The following DLG2 variants were observed in gnomAD, a reference collection of about 807,000 sequenced individuals.
DLG2 encodes the protein discs large MAGUK scaffold protein 2.
DLG2 carries 45 observed loss-of-function variants against 132.5 expected under a neutral mutation model. The observed-to-expected ratio is 0.34, with a 90% confidence interval of 0.27 to 0.44. The LOEUF (loss-of-function observed/expected upper bound fraction) is 0.44, where lower values mean the gene tolerates loss of function less well. DLG2 is among the 20% of genes least tolerant of loss of function. The pLI, the probability that DLG2 is intolerant of heterozygous loss-of-function variation, is 1.00. For missense variants in DLG2, 1,045 were observed against 1,196.9 expected (o/e 0.87, Z 1.87); for synonymous variants, 424 against 419.6 (o/e 1.01, Z -0.13).
At chr11:83,833,580 A>G in intron 17 of DLG2, 34 bp downstream of exon 17, 2 of 1,583,670 alleles carry the variant, frequency 1.3e-6, no homozygotes, top group Non-Finnish European at 1.7e-6. Context: ...GGCGTCAGAT[A>G]TGGAGGGAAT....
At chr11:84,417,250 G>C (rs937149634) in intron 7 of DLG2, among the ~76,000 whole-genome samples, 2 of 152,122 alleles carry the variant, frequency 1.3e-5, no homozygotes, top group African/African-American at 4.8e-5. Flanking sequence ...CTTATTATAT[G>C]ATCTATGAAA....
At chr11:83,581,948 CTTT>C (rs71849863) in intron 19 of DLG2, among the ~76,000 whole-genome samples, 43 of 52,636 alleles carry the variant, frequency 8.2e-4, no homozygotes, top group African/African-American at 3.1e-3. Flanking sequence ...AGTTTGGACT[CTTT>C]TTTTTTTTTT....
At chr11:84,791,259 A>G (rs1279729704) in intron 6 of DLG2, among the ~76,000 whole-genome samples, 1 of 152,144 alleles carries the variant, frequency 6.6e-6, no homozygotes, top group Non-Finnish European at 1.5e-5. Context: ...ACAATTTGAG[A>G]TAAGATTTGG....
chr11:83,588,825 G>A (rs1043608849), intron 19 of DLG2, among the ~76,000 whole-genome samples: 12 of 152,174 alleles, frequency 7.9e-5, no homozygotes, highest in South Asian at 4.1e-4. Flanking sequence ...ACCAAGGCTC[G>A]AGATCTACAT....
intron 5 of DLG2, among the ~76,000 whole-genome samples, chr11:85,117,186 C>T (rs1172932739): frequency 2.6e-5 from 4 of 151,956 alleles, no homozygotes; most frequent in Non-Finnish European, 4.4e-5. Context: ...TAAAATGTGA[C>T]GCTAAGGAAA....
At chr11:85,131,245 T>C (rs967141681) in intron 5 of DLG2, among the ~76,000 whole-genome samples, 1 of 152,170 alleles carries the variant, frequency 6.6e-6, no homozygotes, top group Non-Finnish European at 1.5e-5. Context: ...TTGATTTAAT[T>C]TGTATAATAT....
intron 4 of DLG2, among the ~76,000 whole-genome samples, chr11:85,223,924 G>A (rs931847414): frequency 1.3e-5 from 2 of 151,970 alleles, no homozygotes; most frequent in Non-Finnish European, 2.9e-5. Flanking sequence ...TATTGTGCAG[G>A]GGTTATAAAG....
intron 22 of DLG2, among the ~76,000 whole-genome samples, chr11:83,476,267 T>C (rs2136918595): frequency 6.6e-6 from 1 of 152,230 alleles, no homozygotes; most frequent in Non-Finnish European, 1.5e-5. Context: ...GGCAAGTACA[T>C]ACCACACACT....
chr11:85,228,899 T>C (rs1191474353), intron 4 of DLG2, among the ~76,000 whole-genome samples: 1 of 151,408 alleles, frequency 6.6e-6, no homozygotes, highest in Admixed American at 6.6e-5. Context: ...CTATGTATCT[T>C]TTTTTAACTT....
intron 3 of DLG2, among the ~76,000 whole-genome samples, chr11:85,464,924 A>G (rs928518697): frequency 2.0e-5 from 3 of 151,074 alleles, no homozygotes; most frequent in Admixed American, 6.6e-5. Context: ...AATACAAAAA[A>G]TTATCTGGGC....
intron 19 of DLG2, among the ~76,000 whole-genome samples, chr11:83,580,620 T>C (rs1449864787): frequency 6.6e-6 from 1 of 152,244 alleles, no homozygotes; most frequent in Non-Finnish European, 1.5e-5. Context: ...ACTTCATTAA[T>C]AGTAACACAT....
chr11:83,535,422 C>T (rs1377696174), intron 20 of DLG2, among the ~76,000 whole-genome samples: 1 of 152,164 alleles, frequency 6.6e-6, no homozygotes, highest in Non-Finnish European at 1.5e-5. Context: ...ACTGTTTGGA[C>T]AGAGCATTCT....
intron 9 of DLG2, among the ~76,000 whole-genome samples, chr11:84,106,835 GTGTGTGTT>G (rs2092955190): frequency 1.4e-5 from 2 of 141,404 alleles, no homozygotes; most frequent in African/African-American, 5.3e-5. Context: ...GTGTGTGTGT[GTGTGTGTT>G]TGAGTGAGTG....
intron 7 of DLG2, among the ~76,000 whole-genome samples, chr11:84,308,926 C>T (rs1335364849): frequency 6.6e-6 from 1 of 152,206 alleles, no homozygotes; most frequent in Non-Finnish European, 1.5e-5. Context: ...TCCCTCCACA[C>T]CTCTCTGCAA....
intron 8 of DLG2, among the ~76,000 whole-genome samples, chr11:84,169,370 G>T (rs148918171): frequency 5.1e-4 from 77 of 151,938 alleles, no homozygotes; most frequent in African/African-American, 1.8e-3. Context: ...AATCTATAAG[G>T]GTCACAAAAT....
chr11:85,369,531 C>T (rs1428176492), intron 3 of DLG2, among the ~76,000 whole-genome samples: 2 of 151,838 alleles, frequency 1.3e-5, no homozygotes, highest in African/African-American at 4.8e-5. Flanking sequence ...ACTGTTTGTA[C>T]TCTCTGTAAA....
intron 2 of DLG2, among the ~76,000 whole-genome samples, chr11:85,612,735 G>A (rs1231324817): frequency 6.6e-6 from 1 of 152,140 alleles, no homozygotes; most frequent in South Asian, 2.1e-4. Context: ...CATCAGCGCA[G>A]AGCCATACAA....
intron 18 of DLG2, among the ~76,000 whole-genome samples, chr11:83,770,472 G>C (rs1231949332): frequency 2.0e-5 from 3 of 152,090 alleles, no homozygotes; most frequent in Non-Finnish European, 2.9e-5. Context: ...GAGCAATTTG[G>C]TGTCATTTGA....
At chr11:84,658,209 G>A (rs770191380) in intron 6 of DLG2, among the ~76,000 whole-genome samples, 2 of 152,208 alleles carry the variant, frequency 1.3e-5, no homozygotes, top group Non-Finnish European at 2.9e-5. Flanking sequence ...AACTATTTAT[G>A]TTGAGGGTAA....
Sources: gnomAD v4.1 joint callset for allele counts (sites outside exome capture counted in the v4.1 genomes callset) on GRCh38, gnomAD v4.1.1 for gene constraint, MANE v1.5 for transcripts, NCBI Gene and HGNC (gene_info 2026-07-23, HGNC 2026-07-21) for gene names.